Variants in C12orf54 observed in about 807,000 individuals in gnomAD.
C12orf54 encodes uncharacterized protein C12orf54.
In C12orf54, 24 loss-of-function variants were observed where a neutral mutation model predicts 26.4. The ratio of observed to expected loss-of-function variants is 0.91; its 90% CI spans 0.66 to 1.28. The LOEUF is 1.28. Ranked by LOEUF, C12orf54 falls within the 50% of genes most tolerant of loss-of-function variation. The pLI is 0.00. For synonymous variants in C12orf54, 54 were observed against 47.0 expected (o/e 1.15, Z -0.61); for missense variants, 154 against 150.9 (o/e 1.02, Z -0.11).
intron 3 of C12orf54, 52 bp downstream of exon 3, chr12:48,486,260 G>A (rs772385179): frequency 1.9e-6 from 3 of 1,544,338 alleles, no homozygotes; most frequent in Admixed American, 1.7e-5. Context: ...TAATTCCTAG[G>A]GAGAGGGGAG....
chr12:48,430,987 G>A, the C12orf54 span, among the ~76,000 whole-genome samples: 1 of 152,176 alleles, frequency 6.6e-6, no homozygotes. Flanking sequence ...ATCAATTAAT[G>A]GCATTCACAG....
At chr12:48,434,124 A>T in the C12orf54 span, among the ~76,000 whole-genome samples, 14 of 152,282 alleles carry the variant, frequency 9.2e-5, no homozygotes, top group African/African-American at 3.4e-4. Flanking sequence ...TATCCCACAC[A>T]TGACTCGGAG....
the C12orf54 span, among the ~76,000 whole-genome samples, chr12:48,439,632 C>G: frequency 2.8e-4 from 42 of 152,234 alleles, no homozygotes; most frequent in Non-Finnish European, 5.3e-4. Flanking sequence ...TCATTCTCAG[C>G]AAACTATTGC....
chr12:48,423,570 C>T, the C12orf54 span, among the ~76,000 whole-genome samples: 3 of 151,866 alleles, frequency 2.0e-5, no homozygotes. Flanking sequence ...CATCTGAACG[C>T]CCCCAAATTA....
intron 7 of C12orf54, 121 bp downstream of exon 7, chr12:48,493,116 G>C: frequency 2.3e-6 from 2 of 862,560 alleles, no homozygotes; most frequent in Non-Finnish European, 3.8e-6. Flanking sequence ...CTTCCAAAGG[G>C]GCAAGAAGTG....
At chr12:48,416,909 T>A in the C12orf54 span, among the ~76,000 whole-genome samples, 3 of 151,998 alleles carry the variant, frequency 2.0e-5, no homozygotes, top group African/African-American at 4.8e-5. Context: ...ATGAATAGAT[T>A]AATGCTGTTG....
chr12:48,459,926 G>A, the C12orf54 span, among the ~76,000 whole-genome samples: 1 of 152,166 alleles, frequency 6.6e-6, no homozygotes. Context: ...CCATAGGCAT[G>A]TACATATGAA....
At chr12:48,446,669 G>T in the C12orf54 span, among the ~76,000 whole-genome samples, 5 of 151,948 alleles carry the variant, frequency 3.3e-5, no homozygotes, top group Admixed American at 6.6e-5. Flanking sequence ...AGTGACTCAC[G>T]GCTTATTTTT....
At chr12:48,473,399 A>T in the C12orf54 span, 2 of 849,068 alleles carry the variant, frequency 2.4e-6, no homozygotes, top group African/African-American at 3.4e-5. Context: ...AAGATGAGGG[A>T]GAAGACGATG....
intron 2 of C12orf54, among the ~76,000 whole-genome samples, chr12:48,484,620 T>C (rs949464338): frequency 6.6e-6 from 1 of 152,196 alleles, no homozygotes; most frequent in Admixed American, 6.5e-5. Flanking sequence ...ATTACTCCTC[T>C]TGTTTTATAG....
upstream of C12orf54, among the ~76,000 whole-genome samples, chr12:48,481,729 C>G (rs1022926111): frequency 6.6e-6 from 1 of 152,146 alleles, no homozygotes; most frequent in Non-Finnish European, 1.5e-5. Context: ...GTTTTCCCAC[C>G]ATCACCTGGG....
chr12:48,450,288 G>A, the C12orf54 span, among the ~76,000 whole-genome samples: 1 of 152,108 alleles, frequency 6.6e-6, no homozygotes, highest in Non-Finnish European at 1.5e-5. Context: ...AAATTAGTGA[G>A]CACAAAAGAT....
chr12:48,490,857 G>A, intron 6 of C12orf54, 21 bp downstream of exon 6: 1 of 1,612,188 alleles, frequency 6.2e-7, no homozygotes, highest in South Asian at 1.1e-5. Flanking sequence ...ACCATTCCAA[G>A]GTTTGGAAAA....
At chr12:48,492,189 C>T (rs936110610) in intron 6 of C12orf54, among the ~76,000 whole-genome samples, 7 of 152,146 alleles carry the variant, frequency 4.6e-5, no homozygotes, top group African/African-American at 1.4e-4. Flanking sequence ...CGCAGCAAAA[C>T]GGAGTTCGTT....
chr12:48,420,971 C>A, the C12orf54 span, among the ~76,000 whole-genome samples: 1 of 152,160 alleles, frequency 6.6e-6, no homozygotes, highest in Non-Finnish European at 1.5e-5. Flanking sequence ...ACCTCATCAT[C>A]ATTGTTCATT....
At chr12:48,480,809 G>A (rs953805520), upstream of C12orf54, among the ~76,000 whole-genome samples, 3 of 152,012 alleles carry the variant, frequency 2.0e-5, no homozygotes, top group African/African-American at 7.3e-5. Flanking sequence ...ATCAACCCAG[G>A]TGCCCATCAA....
At chr12:48,469,589 C>T in the C12orf54 span, among the ~76,000 whole-genome samples, 7 of 152,218 alleles carry the variant, frequency 4.6e-5, no homozygotes, top group African/African-American at 1.7e-4. Flanking sequence ...CATACATCCT[C>T]ATCTTATGAA....
At chr12:48,485,757 A>C (rs1954253462) in intron 2 of C12orf54, among the ~76,000 whole-genome samples, 1 of 152,230 alleles carries the variant, frequency 6.6e-6, no homozygotes. Context: ...TCACGAAGGA[A>C]AAGAACACTT....
chr12:48,472,845 C>T, the C12orf54 span: 7 of 1,613,862 alleles, frequency 4.3e-6, no homozygotes, highest in South Asian at 3.3e-5. Context: ...TGCAAACTTG[C>T]CAAAGTTAAA....
Sources: allele counts gnomAD v4.1 joint callset (sites outside exome capture counted in the v4.1 genomes callset), GRCh38; gene constraint gnomAD v4.1.1; transcripts MANE v1.5; gene names NCBI Gene and HGNC (gene_info 2026-07-23, HGNC 2026-07-21).